TTC6: variants seen among roughly 807,000 people sequenced by gnomAD.
The protein encoded by TTC6 is tetratricopeptide repeat domain 6.
Under a neutral mutation model 210.4 loss-of-function variants are expected in TTC6, and 172 were observed. The observed-to-expected ratio is 0.82, with a 90% CI of 0.72 to 0.93. The LOEUF (loss-of-function observed/expected upper bound fraction) is 0.93, where lower values mean the gene tolerates loss of function less well. Ranked by LOEUF, TTC6 falls within the 40% of genes least tolerant of loss-of-function variation. The pLI, the probability that TTC6 is intolerant of heterozygous loss-of-function variation, is 0.00. For synonymous variants in TTC6, 804 were observed against 819.6 expected, an observed-to-expected ratio of 0.98 and a Z score of 0.32; for missense variants, 2,414 against 2,318.1, an observed-to-expected ratio of 1.04 and a Z score of -0.85.
intron 14 of TTC6, among the ~76,000 whole-genome samples, chr14:37,763,532 G>A (rs2095990523): frequency 6.6e-6 from 1 of 152,104 alleles, no homozygotes; most frequent in African/African-American, 2.4e-5. Flanking sequence ...GGTTTTGGAA[G>A]TTTGGGTATT....
intron 4 of TTC6, 138 bp from the exon 7 acceptor site, chr14:37,701,194 C>A: frequency 1.8e-6 from 1 of 553,078 alleles, no homozygotes. Flanking sequence ...TGTTATATAC[C>A]ATTATTATAG....
At chr14:37,742,657 A>G (rs565258033) in intron 10 of TTC6, among the ~76,000 whole-genome samples, 5 of 151,940 alleles carry the variant, frequency 3.3e-5, no homozygotes, top group South Asian at 2.1e-4. Context: ...GTCTCAAGCA[A>G]TCCACCCACC....
exon 20 of TTC6, chr14:37,796,923 T>C: frequency 1.2e-6 from 2 of 1,601,812 alleles, no homozygotes; most frequent in Non-Finnish European, 1.7e-6. Context: ...TAGCAAAAGT[T>C]CAAATGAAGG....
intron 23 of TTC6, 125 bp downstream of exon 25, chr14:37,807,585 T>A: frequency 2.9e-6 from 2 of 701,480 alleles, no homozygotes; most frequent in Non-Finnish European, 4.1e-6. Context: ...AGGGCAGAAC[T>A]ACATAGAAAA....
At chr14:37,667,399 G>A (rs1196326824) in intron 1 of TTC6, among the ~76,000 whole-genome samples, 3 of 150,552 alleles carry the variant, frequency 2.0e-5, no homozygotes, top group African/African-American at 4.8e-5. Flanking sequence ...CAGAGAGATG[G>A]AATCGCACCC....
intron 14 of TTC6, among the ~76,000 whole-genome samples, chr14:37,756,863 TA>T (rs1349881236): frequency 1.3e-5 from 2 of 152,224 alleles, no homozygotes; most frequent in Non-Finnish European, 2.9e-5. Flanking sequence ...ACTGTCCTCA[TA>T]AAATGAGTTA....
chr14:37,796,570 T>C (rs887277310), intron 19 of TTC6, among the ~76,000 whole-genome samples, 200 bp downstream of exon 21: 10 of 152,208 alleles, frequency 6.6e-5, no homozygotes, highest in African/African-American at 2.4e-4. Flanking sequence ...TTATGGGAAA[T>C]ATTAAGCTTA....
intron 29 of TTC6, among the ~76,000 whole-genome samples, chr14:37,839,293 C>T (rs2096204821): frequency 6.6e-6 from 1 of 152,172 alleles, no homozygotes; most frequent in African/African-American, 2.4e-5. Flanking sequence ...TTCTCCACAT[C>T]CTCTCCAGCA....
Position 37,834,914 on chromosome 14 carries a change from T to C in TTC6, c.5299-6531T>C, listed in dbSNP as rs1404195150. ...GGTTCTGGGTGGGCACCAGAGAGTATTATAGTCTCCATATGATTACTTCAT... is the reference window on the plus strand; with the variant it reads ...GGTTCTGGGTGGGCACCAGAGAGTACTATAGTCTCCATATGATTACTTCAT... On this transcript the variant is annotated intron_variant, in intron 29 of 30. Transcript: ENST00000553443. Among the ~76,000 whole-genome samples, 4 of 152,180 alleles carry C rather than the reference T, an allele frequency of 2.6e-5. No individual in the cohort carries two copies. The East Asian group carries it at 7.7e-4, about 29-fold the overall frequency.
At chr14:37,776,785 T>C (rs2139224916) in intron 14 of TTC6, among the ~76,000 whole-genome samples, 1 of 144,230 alleles carries the variant, frequency 6.9e-6, no homozygotes, top group Middle Eastern at 3.4e-3. Context: ...CTGGGGAGGC[T>C]GAGGCAGGAG....
At chr14:37,772,934 A>G (rs901021823) in intron 14 of TTC6, among the ~76,000 whole-genome samples, 7 of 152,140 alleles carry the variant, frequency 4.6e-5, no homozygotes, top group Non-Finnish European at 8.8e-5. Flanking sequence ...CATTTTAATA[A>G]TAGCCATTCT....
intron 1 of TTC6, among the ~76,000 whole-genome samples, chr14:37,661,804 G>T (rs1366030446): frequency 6.6e-6 from 1 of 152,018 alleles, no homozygotes; most frequent in Non-Finnish European, 1.5e-5. Context: ...TATGAGCATG[G>T]AATATTTTTC....
intron 14 of TTC6, among the ~76,000 whole-genome samples, chr14:37,778,133 T>C (rs187229946): frequency 2.6e-5 from 4 of 151,394 alleles, no homozygotes; most frequent in Non-Finnish European, 1.5e-5. Context: ...GGGTGCATGC[T>C]TATCAGCTGG....
At chr14:37,788,291 A>G (rs1310835421) in intron 15 of TTC6, among the ~76,000 whole-genome samples, 8 of 152,134 alleles carry the variant, frequency 5.3e-5, no homozygotes, top group Admixed American at 2.0e-4. Flanking sequence ...GAATGAGTCC[A>G]TCCTGACTGA....
intron 1 of TTC6, among the ~76,000 whole-genome samples, chr14:37,673,211 G>A (rs1595088327): frequency 6.6e-6 from 1 of 152,182 alleles, no homozygotes; most frequent in East Asian, 1.9e-4. Context: ...ATGTCAAGCA[G>A]CCCTGATACA....
chr14:37,804,762 ACTGT>A lies in TTC6; in HGVS notation c.4117_4120del (p.Leu1373IlefsTer24), dbSNP rs2096114612. 4.3e-6 allele frequency: 7 copies of A among 1,614,166 alleles called. No individual in the cohort carries two copies. The highest frequency in any genetic ancestry group is 1.1e-5 in the South Asian group (1 of 91,086). ...CCAGATGCCACAGCAATTTCAGCAG[ACTGT>A]CTGTATAACTTGGGTCTTTGTTACA... On this transcript the variant is annotated frameshift_variant, in exon 21 of 31. Transcript: ENST00000553443. LOFTEE classifies it high-confidence loss of function.
At chr14:37,685,450 T>A (rs2095791835) in intron 3 of TTC6, among the ~76,000 whole-genome samples, 1 of 152,178 alleles carries the variant, frequency 6.6e-6, no homozygotes, top group South Asian at 2.1e-4. Flanking sequence ...ATGTTAGTTT[T>A]GGAGCAAAGA....
chr14:37,618,867 G>T (rs2095646813), upstream of TTC6, among the ~76,000 whole-genome samples: 1 of 152,224 alleles, frequency 6.6e-6, no homozygotes, highest in African/African-American at 2.4e-5. Context: ...CCTGGGAGAA[G>T]TGGGAAAGCA....
intron 5 of TTC6, among the ~76,000 whole-genome samples, chr14:37,705,913 C>T (rs779716145): frequency 9.9e-5 from 15 of 152,006 alleles, no homozygotes; most frequent in Admixed American, 5.2e-4. Context: ...AAGTATAGTC[C>T]GCAGACTAGC....
Sources: gnomAD v4.1 joint callset for allele counts (sites outside exome capture counted in the v4.1 genomes callset) on GRCh38, gnomAD v4.1.1 for gene constraint, MANE v1.5 for transcripts, NCBI Gene and HGNC (gene_info 2026-07-23, HGNC 2026-07-21) for gene names.